The following QKI variants were observed in gnomAD, a reference collection of about 807,000 sequenced individuals.
The protein encoded by QKI is KH domain-containing RNA-binding protein QKI.
A neutral mutation model predicts 39.0 loss-of-function variants in QKI; 10 were observed. That is an observed-to-expected ratio of 0.26 (90% CI 0.16 to 0.43). QKI has a LOEUF of 0.43. Among genes scored for constraint, QKI ranks in the 20% least tolerant of loss-of-function variants. The probability of loss-of-function intolerance (pLI) is 1.00; values close to 1 mark genes in which losing one functional copy is unlikely to be tolerated. For missense variants in QKI, 218 were observed against 428.0 expected (o/e 0.51, Z 4.33); for synonymous variants, 204 against 155.4 (o/e 1.31, Z -2.33).
intron 3 of QKI, among the ~76,000 whole-genome samples, chr6:163,516,952 G>A (rs1779839091): frequency 6.6e-6 from 1 of 151,918 alleles, no homozygotes; most frequent in African/African-American, 2.4e-5. Context: ...ATAATGGGAT[G>A]TTATAAGTTT....
At chr6:163,467,123 T>TCCAAAAGG (rs1562461647) in intron 2 of QKI, among the ~76,000 whole-genome samples, 1 of 151,864 alleles carries the variant, frequency 6.6e-6, no homozygotes, top group Non-Finnish European at 1.5e-5. Context: ...TATACAGATG[T>TCCAAAAGG]CCAAAAGGCT....
intron 7 of QKI, chr6:163,567,943 C>G (rs759107561): frequency 4.1e-6 from 4 of 984,436 alleles, no homozygotes; most frequent in Admixed American, 1.2e-4. Flanking sequence ...AAATAACATG[C>G]CTTTCCCAAA....
In QKI at chr6:163,455,394, T is replaced by C. The variant is rs766745145; in HGVS notation, c.258T>C (p.Leu86=). ...VGPIVQLQEK[L]YVPVKEYPDF... The stretch of plus-strand genomic sequence containing the variant: ...CTATTGTTCAGTTACAAGAGAAACT[T>C]TATGTGCCTGTAAAAGAATACCCAG... The change falls in exon 2 of 8, where the codon CTT becomes CTC. Residue 86 remains leucine, a synonymous_variant. Transcript: ENST00000361752. 3.1e-6 allele frequency: 5 copies of C among 1,612,586 alleles called. No homozygotes were observed. In the East Asian group the frequency reaches 8.9e-5, roughly 29 times the overall value.
intron 4 of QKI, among the ~76,000 whole-genome samples, chr6:163,555,078 C>T (rs561645952): frequency 6.6e-5 from 10 of 152,188 alleles, no homozygotes; most frequent in Admixed American, 2.6e-4. Context: ...TTTTTCTTTT[C>T]TCTGATATTT....
chr6:163,516,506 G>A (rs896282789), intron 3 of QKI, among the ~76,000 whole-genome samples: 4 of 152,090 alleles, frequency 2.6e-5, no homozygotes, highest in Non-Finnish European at 5.9e-5. Context: ...TGTTGGCCAG[G>A]ATGGTCTTGA....
chr6:163,511,475 G>A (rs550180987), intron 3 of QKI, among the ~76,000 whole-genome samples: 110 of 152,014 alleles, frequency 7.2e-4, no homozygotes, highest in Non-Finnish European at 9.9e-4. Flanking sequence ...CAGAATAAGA[G>A]AGAAGACACT....
At chr6:163,518,359 A>G (rs931771322) in intron 3 of QKI, among the ~76,000 whole-genome samples, 2 of 152,200 alleles carry the variant, frequency 1.3e-5, no homozygotes, top group South Asian at 2.1e-4. Context: ...TTTTGTAGTC[A>G]GGATGGACAG....
intron 6 of QKI, chr6:163,565,534 CTT>C: frequency 1.0e-6 from 1 of 990,168 alleles, no homozygotes; most frequent in Non-Finnish European, 1.2e-6. Context: ...AGCTTCATGT[CTT>C]TTGTTTGTTG....
At chr6:163,415,797 C>T (rs1562407374) in intron 1 of QKI, 1 of 428,928 alleles carries the variant, frequency 2.3e-6, no homozygotes, top group Non-Finnish European at 4.7e-6. Flanking sequence ...TCTGCGCGGA[C>T]CCCCACCGCC....
chr6:163,525,327 CCTCT>C (rs565887847), intron 3 of QKI, among the ~76,000 whole-genome samples: 6 of 145,810 alleles, frequency 4.1e-5, no homozygotes, highest in South Asian at 2.2e-4. Flanking sequence ...TTCTCTCTCT[CCTCT>C]CTCTCTCTTC....
At chr6:163,547,465 C>G (rs1354931641) in intron 4 of QKI, among the ~76,000 whole-genome samples, 2 of 152,308 alleles carry the variant, frequency 1.3e-5, no homozygotes, top group East Asian at 3.9e-4. Flanking sequence ...AACCATGCCT[C>G]CAGTTACCAC....
chr6:163,527,359 G>C (rs1169634675), intron 3 of QKI, among the ~76,000 whole-genome samples: 1 of 152,062 alleles, frequency 6.6e-6, no homozygotes. Context: ...TTTAATATTT[G>C]TCTTAAAATG....
At chr6:163,437,816 A>G (rs1010072919) in intron 1 of QKI, among the ~76,000 whole-genome samples, 9 of 152,110 alleles carry the variant, frequency 5.9e-5, no homozygotes, top group African/African-American at 1.9e-4. Context: ...CTCCCCTCCC[A>G]TCTCTGTTTC....
chr6:163,514,159 C>T (rs1003487130), intron 3 of QKI, among the ~76,000 whole-genome samples: 4 of 152,132 alleles, frequency 2.6e-5, no homozygotes, highest in African/African-American at 9.7e-5. Flanking sequence ...TAGACAGGAA[C>T]ACCTGTGGCT....
chr6:163,504,015 T>C (rs1273108794), intron 3 of QKI, among the ~76,000 whole-genome samples: 1 of 152,124 alleles, frequency 6.6e-6, no homozygotes, highest in East Asian at 1.9e-4. Flanking sequence ...AGTGCTAGGA[T>C]TACAGGTGTG....
At chr6:163,504,983 T>C (rs1005113492) in intron 3 of QKI, among the ~76,000 whole-genome samples, 6 of 152,164 alleles carry the variant, frequency 3.9e-5, no homozygotes, top group Admixed American at 2.6e-4. Flanking sequence ...TTTCCTAATA[T>C]TTTGAGGAAA....
intron 3 of QKI, among the ~76,000 whole-genome samples, chr6:163,518,512 T>C (rs1002173553): frequency 7.2e-5 from 11 of 152,180 alleles, no homozygotes; most frequent in Non-Finnish European, 1.5e-4. Context: ...ATTTCTAAAG[T>C]AGTCATTCAG....
intron 3 of QKI, among the ~76,000 whole-genome samples, chr6:163,512,174 TAGAA>T (rs1218233457): frequency 6.6e-6 from 1 of 152,016 alleles, no homozygotes; most frequent in Non-Finnish European, 1.5e-5. Flanking sequence ...CCAGCAAACT[TAGAA>T]GGAAACTTCC....
At chr6:163,554,558 C>T (rs1283576677) in intron 4 of QKI, among the ~76,000 whole-genome samples, 1 of 152,202 alleles carries the variant, frequency 6.6e-6, no homozygotes, top group African/African-American at 2.4e-5. Flanking sequence ...CAGCTGTGTA[C>T]CTGACATCTC....
Sources: gnomAD v4.1 joint callset for allele counts (sites outside exome capture counted in the v4.1 genomes callset) on GRCh38, gnomAD v4.1.1 for gene constraint, MANE v1.5 for transcripts, NCBI Gene and HGNC (gene_info 2026-07-23, HGNC 2026-07-21) for gene names.